The following RP1L1 variants were observed in gnomAD, a reference collection of about 807,000 sequenced individuals.
RP1L1 encodes the protein retinitis pigmentosa 1-like 1 protein.
Under a neutral mutation model 15.7 loss-of-function variants are expected in RP1L1, and 27 were observed. That is an observed-to-expected ratio of 1.72 (90% CI 1.27 to 2.38). The LOEUF is 2.38. Among genes scored for constraint, RP1L1 ranks in the 30% most tolerant of loss-of-function variants. The pLI, the probability that RP1L1 is intolerant of heterozygous loss-of-function variation, is 0.00. For missense variants in RP1L1, 4,798 were observed against 3,075.9 expected (o/e 1.56, Z -13.24); for synonymous variants, 1,813 against 1,276.7 (o/e 1.42, Z -8.96).
chr8:10,624,587 G>A (rs1798127233), intron 1 of RP1L1, among the ~76,000 whole-genome samples: 1 of 152,218 alleles, frequency 6.6e-6, no homozygotes, highest in Non-Finnish European at 1.5e-5. Flanking sequence ...CGTCTTCTCT[G>A]ACCAGCTGGG....
rs761117803 is a variant in RP1L1 at position 10,607,309 on chromosome 8, C to T, written c.6789G>A (p.Glu2263=). Residue 2263 remains glutamate, a synonymous_variant, in exon 4 of 4, where the codon GAG becomes GAA. Transcript: ENST00000382483. ...PQVSLGDGQS[E]EASESSSPVP... is the part of the protein sequence containing the mutation. Reference sequence around the variant, plus strand: ...CTGGGCTGCTGCTTTCAGAAGCCTCCTCAGATTGGCCATCTCCTAGACTGA... The same window carrying T: ...CTGGGCTGCTGCTTTCAGAAGCCTCTTCAGATTGGCCATCTCCTAGACTGA... 4.3e-6 allele frequency: 7 copies of T among 1,614,212 alleles called. No individual in the cohort carries two copies. The highest frequency in any genetic ancestry group is 1.7e-5 in the Admixed American group (1 of 60,032).
At chr8:10,647,413 A>G (rs919152831) in intron 1 of RP1L1, among the ~76,000 whole-genome samples, 1 of 152,116 alleles carries the variant, frequency 6.6e-6, no homozygotes, top group Non-Finnish European at 1.5e-5. Context: ...ATTTCTTGTT[A>G]TGCAACCATC....
intron 1 of RP1L1, among the ~76,000 whole-genome samples, chr8:10,641,130 G>A (rs1798400463): frequency 6.6e-6 from 1 of 152,186 alleles, no homozygotes; most frequent in Admixed American, 6.5e-5. Flanking sequence ...CAGATGCAGT[G>A]CCACAGCTCA....
rs958137681 is a variant in RP1L1, at chr8:10,611,010, C to A, written c.3088G>T (p.Gly1030Trp). ...GATTGGGGACCAGTGTCACTACTCC[C>A]CAGGAGGGCTCCCTCTGGCTCTGGG... ...QDPEPEGALL[G>W]SSDTGPQSGE... The change falls in exon 4 of 4, where the codon GGG (glycine) becomes TGG (tryptophan). Residue 1030 changes from glycine (G) to tryptophan (W), a missense_variant. Transcript: ENST00000382483. The A allele has an allele frequency of 6.2e-7, 1 of 1,612,708 alleles. No individual in the cohort carries two copies. The highest frequency in any genetic ancestry group is 2.2e-5 in the East Asian group (1 of 44,876).
Position 10,642,236 on chromosome 8 carries a change from C to T in RP1L1, c.-20+12662G>A, listed in dbSNP as rs11993971. ...GAGTGACAGGGATGTATGGTAAAGA[C>T]TGTTCATATCTACTCTTCTTTTTTT... On this transcript the variant is annotated intron_variant, in intron 1 of 3. Coordinates refer to ENST00000382483, the MANE Select transcript of RP1L1 (RefSeq NM_178857.6). 9.0e-3 allele frequency among the ~76,000 whole-genome samples: 1,359 copies of T among 151,118 alleles called. 23 individuals are homozygous for T. Among genetic ancestry groups the T allele is most frequent in the African/African-American group, 0.032 (1,310 of 40,484 alleles).
At chr8:10,643,846 G>A (rs772629105) in intron 1 of RP1L1, among the ~76,000 whole-genome samples, 2 of 152,024 alleles carry the variant, frequency 1.3e-5, no homozygotes, top group African/African-American at 2.4e-5. Flanking sequence ...TGTCGATAGT[G>A]CCATGGAAAT....
intron 1 of RP1L1, among the ~76,000 whole-genome samples, chr8:10,653,427 G>A: frequency 1.3e-5 from 2 of 150,488 alleles, no homozygotes; most frequent in East Asian, 3.9e-4. Flanking sequence ...GCAGGTCCAG[G>A]GATCCCTCCA....
Position 10,606,909 on chromosome 8 carries a change from C to T in RP1L1, c.7189G>A (p.Asp2397Asn), listed in dbSNP as rs1363282491. Residue 2397 changes from aspartate (D) to asparagine (N), a missense_variant, in exon 4 of 4, where the codon GAC becomes AAC. By Grantham distance (23) the Asp-to-Asn change is conservative. Transcript: ENST00000382483. ...CTTGATCTTGTCTAGAAATCTAAGT[C>T]ATCTTGGCCAAAGCCGTCTGCCCTG... is the stretch of plus-strand genomic sequence containing the variant. ...VGRADGFGQD[D>N]LDF The T allele has an allele frequency of 6.2e-7, 1 of 1,614,088 alleles. No individual in the cohort carries two copies. Among genetic ancestry groups the T allele is most frequent in the African/African-American group, 1.3e-5 (1 of 74,950 alleles).
chr8:10,646,403 C>G (rs1798478737), intron 1 of RP1L1, among the ~76,000 whole-genome samples: 1 of 152,158 alleles, frequency 6.6e-6, no homozygotes, highest in South Asian at 2.1e-4. Flanking sequence ...CCTAAGACCT[C>G]GCCTTTCATT....
Position 10,607,915 on chromosome 8 carries a change from T to A in RP1L1, c.6183A>T (p.Glu2061Asp). 1 of 1,596,818 alleles carries A rather than the reference T, an allele frequency of 6.3e-7. No homozygotes were observed. Among genetic ancestry groups the A allele is most frequent in the South Asian group, 1.1e-5 (1 of 90,176 alleles). ...CCCCTTCAGCCTCCTGTGCCTCCTCTTCTGCCTCCGGGGCCTCTACACCGT... is the reference window on the plus strand; with the variant it reads ...CCCCTTCAGCCTCCTGTGCCTCCTCATCTGCCTCCGGGGCCTCTACACCGT... ...ESDGVEAPEAEEEAQEAEGEV... is the reference protein window; with the variant it reads ...ESDGVEAPEADEEAQEAEGEV... Residue 2061 changes from glutamate to aspartate, a missense_variant, in exon 4 of 4, where the codon GAA becomes GAT. By Grantham distance (45) the Glu-to-Asp change is conservative. Transcript: ENST00000382483.
At chr8:10,641,330 T>C (rs1176203744) in intron 1 of RP1L1, among the ~76,000 whole-genome samples, 1 of 152,210 alleles carries the variant, frequency 6.6e-6, no homozygotes, top group African/African-American at 2.4e-5. Context: ...AGTCACCATC[T>C]ACAAGACAGC....
rs1289587245 is a variant in RP1L1, at chr8:10,607,845, C to A, written c.6253G>T (p.Val2085Leu). 1 of 1,591,696 alleles carries A rather than the reference C, an allele frequency of 6.3e-7. No individual in the cohort carries two copies. Among genetic ancestry groups the A allele is most frequent in the Non-Finnish European group, 8.6e-7 (1 of 1,165,420 alleles). The part of the protein sequence containing the change: ...EGEAHPESED[V>L]DAQEAEGEAQ... ...TCCCCTTCTGCCTCCTGGGCATCTACATCTTCTGACTCTGGGTGGGCCTCC... is the reference window on the plus strand; with the variant it reads ...TCCCCTTCTGCCTCCTGGGCATCTAAATCTTCTGACTCTGGGTGGGCCTCC... Residue 2085 changes from valine to leucine, a missense_variant, in exon 4 of 4, where the codon GTA becomes TTA. Val to Leu is a conservative substitution (Grantham distance 32, BLOSUM62 1). Coordinates refer to ENST00000382483, the MANE Select transcript of RP1L1 (RefSeq NM_178857.6).
chr8:10,641,843 T>G (rs892929031), intron 1 of RP1L1, among the ~76,000 whole-genome samples: 2 of 152,240 alleles, frequency 1.3e-5, no homozygotes, highest in East Asian at 3.8e-4. Flanking sequence ...AATGAACTAT[T>G]GGTACACACA....
chr8:10,616,633 C>T, intron 2 of RP1L1, 46 bp from the exon 3 acceptor site: 2 of 1,579,678 alleles, frequency 1.3e-6, no homozygotes, highest in Non-Finnish European at 8.6e-7. Context: ...CTGCAGAAAC[C>T]CCTCTACCCT....
At chr8:10,649,243 C>G (rs1798524189) in intron 1 of RP1L1, among the ~76,000 whole-genome samples, 1 of 152,248 alleles carries the variant, frequency 6.6e-6, no homozygotes, top group African/African-American at 2.4e-5. Flanking sequence ...TCATTCTCCT[C>G]ATCCACTTGC....
chr8:10,616,023 G>A (rs536755473), intron 3 of RP1L1, among the ~76,000 whole-genome samples: 49 of 152,242 alleles, frequency 3.2e-4, no homozygotes, highest in African/African-American at 1.1e-3. Context: ...TCCCACCTCA[G>A]CCTCCCAAGT....
Position 10,622,954 on chromosome 8 carries a change from G to A in RP1L1, c.248C>T (p.Thr83Ile). ...PLSFGVRSVTTPRGLHSLSAL... is the reference protein window; with the variant it reads ...PLSFGVRSVTIPRGLHSLSAL... The stretch of plus-strand genomic sequence containing the variant: ...GCTGAGGCTATGCAGGCCCCGGGGT[G>A]TGGTGACAGAGCGCACCCCAAAGGA... The change falls in exon 2 of 4, where the codon ACA becomes ATA. Residue 83 changes from threonine to isoleucine, a missense_variant. Coordinates refer to ENST00000382483, the MANE Select transcript of RP1L1 (RefSeq NM_178857.6). 1 of 1,614,112 alleles carries A rather than the reference G, an allele frequency of 6.2e-7. No individual in the cohort carries two copies. Among genetic ancestry groups the A allele is most frequent in the Non-Finnish European group, 8.5e-7 (1 of 1,180,010 alleles).
rs868267177 is a variant in RP1L1, at chr8:10,609,334, C to T, written c.4764G>A (p.Leu1588=). The change falls in exon 4 of 4, where the codon CTG becomes CTA. Residue 1588 remains leucine (L), a synonymous_variant. Transcript: ENST00000382483. ...KLQGRAGRMV[L]EPPREALTGE... is the part of the protein sequence containing the mutation. ...CGGTGAGGGCCTCCCTTGGAGGCTCCAGCACCATCCTACCCGCCCGGCCCT... is the reference window on the plus strand; with the variant it reads ...CGGTGAGGGCCTCCCTTGGAGGCTCTAGCACCATCCTACCCGCCCGGCCCT... The T allele has an allele frequency of 5.0e-6, 8 of 1,612,138 alleles. No homozygotes were observed. In the Middle Eastern group the frequency reaches 1.3e-3, roughly 266 times the overall value.
intron 3 of RP1L1, among the ~76,000 whole-genome samples, chr8:10,613,887 G>A (rs1797922888): frequency 6.6e-6 from 1 of 152,168 alleles, no homozygotes; most frequent in Non-Finnish European, 1.5e-5. Flanking sequence ...CTAACAAGGA[G>A]AACTTCAGTC....
Sources: gnomAD v4.1 joint callset for allele counts (sites outside exome capture counted in the v4.1 genomes callset) on GRCh38, gnomAD v4.1.1 for gene constraint, MANE v1.5 for transcripts, NCBI Gene and HGNC (gene_info 2026-07-23, HGNC 2026-07-21) for gene names.